CHLSN: variants seen among roughly 807,000 people sequenced by gnomAD.
CHLSN encodes the protein cholesin.
chr7:1,061,865 C>T, the CHLSN span, among the ~76,000 whole-genome samples: 3 of 146,888 alleles, frequency 2.0e-5, no homozygotes, highest in Non-Finnish European at 4.4e-5. Context: ...TCCAAGCAGC[C>T]ATCTCCCCGA....
chr7:1,009,869 TGCGAGTG>T, the CHLSN span: 3 of 1,218,532 alleles, frequency 2.5e-6, no homozygotes, highest in Non-Finnish European at 3.4e-6. Flanking sequence ...ACACAGTGTG[TGCGAGTG>T]AAGGCTTCGA....
the CHLSN span, chr7:985,042 G>C: frequency 6.2e-7 from 1 of 1,612,448 alleles, no homozygotes; most frequent in Non-Finnish European, 8.5e-7. Context: ...GGAGCCGGTG[G>C]CTGACAAGAT....
At chr7:1,034,488 T>C in the CHLSN span, among the ~76,000 whole-genome samples, 1 of 152,064 alleles carries the variant, frequency 6.6e-6, no homozygotes, top group Non-Finnish European at 1.5e-5. Context: ...ATACGATGAC[T>C]AGAAGGAACT....
At chr7:1,092,198 T>G in the CHLSN span, 1 of 1,613,224 alleles carries the variant, frequency 6.2e-7, no homozygotes, top group Non-Finnish European at 8.5e-7. Flanking sequence ...GACCGCTACA[T>G]CGCCCTGGCC....
chr7:1,087,245 G>A, the CHLSN span: 4 of 152,244 alleles, frequency 2.6e-5, no homozygotes, highest in Admixed American at 1.3e-4. Context: ...TGGACGGCAG[G>A]TAAGTTCCGA....
At chr7:987,370 C>A in the CHLSN span, 1 of 1,591,714 alleles carries the variant, frequency 6.3e-7, no homozygotes, top group Admixed American at 1.7e-5. Flanking sequence ...GGAGCTAGAC[C>A]GCGTGCTGGG....
the CHLSN span, among the ~76,000 whole-genome samples, chr7:994,687 G>A: frequency 6.6e-6 from 1 of 152,058 alleles, no homozygotes. Context: ...CGATCCTCCC[G>A]CCTCTGCCTC....
chr7:1,129,912 CTAAT>C, the CHLSN span, among the ~76,000 whole-genome samples: 1 of 150,914 alleles, frequency 6.6e-6, no homozygotes, highest in South Asian at 2.1e-4. Flanking sequence ...TGCCTGCTCT[CTAAT>C]TACTGAATAT....
At chr7:1,103,886 C>G in the CHLSN span, among the ~76,000 whole-genome samples, 2 of 152,222 alleles carry the variant, frequency 1.3e-5, no homozygotes, top group Non-Finnish European at 2.9e-5. Flanking sequence ...GTGGAGAGCA[C>G]CCGGTGGGGC....
chr7:1,008,487 G>A, the CHLSN span, among the ~76,000 whole-genome samples: 1 of 152,168 alleles, frequency 6.6e-6, no homozygotes, highest in Non-Finnish European at 1.5e-5. Flanking sequence ...GTTCCTCAGG[G>A]AGAGGGAAGC....
the CHLSN span, among the ~76,000 whole-genome samples, chr7:1,136,537 T>TAAACATATAAAC: frequency 7.9e-6 from 1 of 126,806 alleles, no homozygotes; most frequent in African/African-American, 3.0e-5. Flanking sequence ...TAAACATATA[T>TAAACATATAAAC]ATGAACATAT....
chr7:1,081,339 A>G, the CHLSN span, among the ~76,000 whole-genome samples: 2 of 152,206 alleles, frequency 1.3e-5, no homozygotes, highest in Admixed American at 6.5e-5. Flanking sequence ...AAGACCCCCA[A>G]GTCAGGGGGC....
chr7:1,136,553 CATAT>C, the CHLSN span, among the ~76,000 whole-genome samples: 98 of 103,420 alleles, frequency 9.5e-4, no homozygotes, highest in Non-Finnish European at 5.7e-4. Context: ...CATATATAAA[CATAT>C]ATAAACATAT....
At chr7:1,086,143 C>T in the CHLSN span, among the ~76,000 whole-genome samples, 3 of 152,214 alleles carry the variant, frequency 2.0e-5, no homozygotes, top group Admixed American at 6.5e-5. Context: ...ACCCAGGGCA[C>T]GTGAGTGGAG....
At chr7:1,046,482 T>G in the CHLSN span, among the ~76,000 whole-genome samples, 3 of 152,170 alleles carry the variant, frequency 2.0e-5, no homozygotes, top group Non-Finnish European at 4.4e-5. Context: ...GCTGTCCAGT[T>G]AGCCCACATC....
At chr7:1,017,015 C>T in the CHLSN span, among the ~76,000 whole-genome samples, 2 of 152,132 alleles carry the variant, frequency 1.3e-5, no homozygotes, top group African/African-American at 4.8e-5. Context: ...CACAGCAGCA[C>T]ACAGCAGCGC....
chr7:1,105,550 C>T, the CHLSN span, among the ~76,000 whole-genome samples: 1 of 151,984 alleles, frequency 6.6e-6, no homozygotes. Context: ...GGAGGCCAGC[C>T]ATGCTTTTAA....
the CHLSN span, among the ~76,000 whole-genome samples, chr7:1,064,918 C>T: frequency 3.9e-5 from 6 of 152,226 alleles, no homozygotes; most frequent in African/African-American, 1.4e-4. Flanking sequence ...GAGCAGCATC[C>T]GATTCTTTTC....
the CHLSN span, among the ~76,000 whole-genome samples, chr7:1,008,846 C>CACACGTAAAT: frequency 0.11 from 17,023 of 148,778 alleles, 1,208 homozygotes; most frequent in Middle Eastern, 0.28. Context: ...TACACACGCA[C>CACACGTAAAT]ACACGTAAAC....
Sources: allele counts gnomAD v4.1 joint callset (sites outside exome capture counted in the v4.1 genomes callset), GRCh38; gene constraint gnomAD v4.1.1; transcripts MANE v1.5; gene names NCBI Gene and HGNC (gene_info 2026-07-23, HGNC 2026-07-21).